The following SMPD3 variants were observed in gnomAD, a reference collection of about 807,000 sequenced individuals.
SMPD3 encodes the protein sphingomyelin phosphodiesterase 3.
In SMPD3, 21 loss-of-function variants were observed where a neutral mutation model predicts 55.7. That is an observed-to-expected ratio of 0.38 (90% CI 0.27 to 0.54). SMPD3 has a LOEUF of 0.54. SMPD3 is among the 20% of genes least tolerant of loss of function. SMPD3 has a pLI of 0.80. For synonymous variants in SMPD3, 457 were observed against 404.3 expected (o/e 1.13, Z -1.56); for missense variants, 842 against 899.6 (o/e 0.94, Z 0.82).
rs1313887075 is a variant in SMPD3 at position 68,359,178 on chromosome 16, A to C, written c.*2028T>G. The C allele has an allele frequency of 1.3e-5, 2 of 152,400 alleles. No homozygotes were observed. The highest frequency in any genetic ancestry group is 4.8e-5 in the African/African-American group (2 of 41,466). 9.4% of individuals were successfully genotyped at this position (152,400 alleles called of 1,614,324 possible). A position where few individuals can be genotyped will look rare whatever the true frequency, so the allele number is the denominator to read the frequency against. ...CGGGCCTCAACTGCTCTCCCTGTGC[A>C]GGCAGTCGGCAGGCGGCTCGGGGTC... On this transcript the variant is annotated 3_prime_UTR_variant, in exon 9 of 9. Coordinates refer to ENST00000219334, the MANE Select transcript of SMPD3 (RefSeq NM_018667.4).
chr16:68,427,451 A>G (rs1244299250), intron 1 of SMPD3, among the ~76,000 whole-genome samples: 7 of 152,226 alleles, frequency 4.6e-5, no homozygotes, highest in Non-Finnish European at 2.9e-5. Context: ...TCTGGCAGCA[A>G]CTGTCCAACA....
At chr16:68,398,312 C>T (rs74024641) in intron 1 of SMPD3, among the ~76,000 whole-genome samples, 307 of 152,278 alleles carry the variant, frequency 2.0e-3, no homozygotes, top group African/African-American at 6.9e-3. Context: ...TCTCAAATAA[C>T]CTTACTTTTT....
intron 1 of SMPD3, among the ~76,000 whole-genome samples, chr16:68,428,655 C>T (rs2090456540): frequency 6.6e-6 from 1 of 152,156 alleles, no homozygotes; most frequent in Non-Finnish European, 1.5e-5. Flanking sequence ...ATCTAACCCC[C>T]TATTTTCCAT....
intron 2 of SMPD3, among the ~76,000 whole-genome samples, chr16:68,378,572 C>G (rs1248748478): frequency 1.3e-5 from 2 of 152,072 alleles, no homozygotes; most frequent in East Asian, 3.9e-4. Context: ...TGCACACCCC[C>G]CCACCCCCTC....
chr16:68,420,996 A>G (rs903661391), intron 1 of SMPD3, among the ~76,000 whole-genome samples: 2 of 152,136 alleles, frequency 1.3e-5, no homozygotes, highest in Admixed American at 1.3e-4. Context: ...TGTGGAGAAA[A>G]GACTTCCCCT....
At chr16:68,377,722 A>C (rs531878639) in intron 2 of SMPD3, among the ~76,000 whole-genome samples, 1 of 152,364 alleles carries the variant, frequency 6.6e-6, no homozygotes, top group South Asian at 2.1e-4. Flanking sequence ...ACCAGCACCA[A>C]GACAGTCATC....
chr16:68,426,804 C>G (rs2090439419), intron 1 of SMPD3, among the ~76,000 whole-genome samples: 1 of 152,072 alleles, frequency 6.6e-6, no homozygotes, highest in African/African-American at 2.4e-5. Context: ...TTATTAATAA[C>G]AAGAATAATA....
At chr16:68,413,590 A>G (rs2090318272) in intron 1 of SMPD3, among the ~76,000 whole-genome samples, 1 of 152,222 alleles carries the variant, frequency 6.6e-6, no homozygotes, top group Non-Finnish European at 1.5e-5. Context: ...TGTAAAGGTC[A>G]AACTATAAAA....
At chr16:68,391,691 G>C (rs2090112162) in intron 1 of SMPD3, among the ~76,000 whole-genome samples, 1 of 152,170 alleles carries the variant, frequency 6.6e-6, no homozygotes. Flanking sequence ...GCAGGGCCAA[G>C]GCAGTGGGAA....
chr16:68,378,356 C>T (rs2089870239), intron 2 of SMPD3, among the ~76,000 whole-genome samples: 1 of 152,136 alleles, frequency 6.6e-6, no homozygotes, highest in Non-Finnish European at 1.5e-5. Flanking sequence ...AAGACAGAAG[C>T]GGATGCCTTT....
At chr16:68,438,879 G>T (rs776235702) in intron 1 of SMPD3, among the ~76,000 whole-genome samples, 3 of 152,212 alleles carry the variant, frequency 2.0e-5, no homozygotes, top group Admixed American at 2.0e-4. Context: ...AGGCTCTGCA[G>T]TCAGATTGCC....
At position 68,405,564 on chromosome 16, in the gene SMPD3, A is replaced by G. The variant is rs913214422; in HGVS notation, c.-268-18905T>C. Among the ~76,000 whole-genome samples the G allele has an allele frequency of 3.0e-3, 451 of 149,768 alleles. 20 individuals carry two copies. In the East Asian group the frequency reaches 0.075, roughly 25 times the overall value. ...CTGTCTCAAAAAAAAAAAAAAAAAAAAAAGAAAAGAAAAGAAAATACAAAA... is the reference window on the plus strand; with the variant it reads ...CTGTCTCAAAAAAAAAAAAAAAAAAGAAAGAAAAGAAAAGAAAATACAAAA... On this transcript the variant is annotated intron_variant, in intron 1 of 8. Transcript: ENST00000219334.
At chr16:68,385,384 CCTT>C (rs371034822) in intron 2 of SMPD3, among the ~76,000 whole-genome samples, 2 of 152,328 alleles carry the variant, frequency 1.3e-5, no homozygotes, top group African/African-American at 4.8e-5. Flanking sequence ...CCTACACTGT[CCTT>C]CTTGTCGATC....
At chr16:68,366,659 A>T (rs1187888611) in intron 3 of SMPD3, among the ~76,000 whole-genome samples, 1 of 152,224 alleles carries the variant, frequency 6.6e-6, no homozygotes, top group Non-Finnish European at 1.5e-5. Context: ...TGAGTTCAGG[A>T]GTTCGAGACC....
At chr16:68,417,467 T>C (rs1055613248) in intron 1 of SMPD3, among the ~76,000 whole-genome samples, 5 of 152,252 alleles carry the variant, frequency 3.3e-5, no homozygotes, top group Admixed American at 3.3e-4. Flanking sequence ...ATTGTTCTAC[T>C]GTTACTCTTT....
intron 1 of SMPD3, among the ~76,000 whole-genome samples, chr16:68,441,574 G>A (rs1043906416): frequency 1.3e-5 from 2 of 151,702 alleles, no homozygotes; most frequent in Admixed American, 6.6e-5. Context: ...CATTACTAAT[G>A]CAACATTTTA....
chr16:68,425,960 C>T (rs1293252697), intron 1 of SMPD3, among the ~76,000 whole-genome samples: 1 of 152,118 alleles, frequency 6.6e-6, no homozygotes, highest in Non-Finnish European at 1.5e-5. Context: ...GTGGAGGATG[C>T]TAAGGGAGCA....
intron 3 of SMPD3, 130 bp downstream of exon 3, chr16:68,370,707 TGTTTGGCTCCAGGAAAGACCGC>T (rs1374028718): frequency 5.9e-6 from 6 of 1,011,380 alleles, no homozygotes; most frequent in Middle Eastern, 3.1e-4. Flanking sequence ...AGGGCCCTGC[TGTTTGGCTCCAGGAAAGACCGC>T]GTCTGCCTCC....
At chr16:68,409,953 G>T (rs1196083777) in intron 1 of SMPD3, among the ~76,000 whole-genome samples, 1 of 152,176 alleles carries the variant, frequency 6.6e-6, no homozygotes, top group African/African-American at 2.4e-5. Context: ...CCCTCAGACC[G>T]TCACCTACCT....
Sources: allele counts gnomAD v4.1 joint callset (sites outside exome capture counted in the v4.1 genomes callset), GRCh38; gene constraint gnomAD v4.1.1; transcripts MANE v1.5; gene names NCBI Gene and HGNC (gene_info 2026-07-23, HGNC 2026-07-21).